The following SLC39A13 variants were observed in gnomAD, a reference collection of about 807,000 sequenced individuals.
SLC39A13 encodes the protein zinc transporter ZIP13.
Under a neutral mutation model 38.7 loss-of-function variants are expected in SLC39A13, and 18 were observed. The observed-to-expected ratio is 0.47, with a 90% CI of 0.32 to 0.69. SLC39A13 has a LOEUF of 0.69. Ranked by LOEUF, SLC39A13 falls within the 30% of genes least tolerant of loss-of-function variation. SLC39A13 has a pLI of 0.03. For missense variants in SLC39A13, 395 were observed against 490.7 expected (o/e 0.80, Z 1.84); for synonymous variants, 212 against 219.1 (o/e 0.97, Z 0.29).
chr11:47,413,486 T>C lies in SLC39A13; in HGVS notation c.624T>C (p.Gly208=). ...LAQPAAEPGL[G]AVVRSIKVSG... is the part of the protein sequence containing the mutation. ...AGCCGGCTGCAGAGCCCGGCCTCGGTGCCGTGGTCCGGAGCATCAAAGTGA... is the reference window on the plus strand; with the variant it reads ...AGCCGGCTGCAGAGCCCGGCCTCGGCGCCGTGGTCCGGAGCATCAAAGTGA... The change falls in exon 5 of 10, where the codon GGT becomes GGC. Residue 208 remains glycine (G), a synonymous_variant. Transcript: ENST00000362021. 1 of 1,614,064 alleles carries C rather than the reference T, an allele frequency of 6.2e-7. No individual in the cohort carries two copies. The highest frequency in any genetic ancestry group is 8.5e-7 in the Non-Finnish European group (1 of 1,179,996).
At chr11:47,408,381 T>G (rs930431533), upstream of SLC39A13, among the ~76,000 whole-genome samples, 1 of 151,820 alleles carries the variant, frequency 6.6e-6, no homozygotes, top group African/African-American at 2.4e-5. Context: ...CGACCGACCC[T>G]CCCCTCCGGC....
chr11:47,415,855 T>C lies in SLC39A13; in HGVS notation c.*492T>C. 4.2e-6 allele frequency: 1 copy of C among 235,734 alleles called. No individual in the cohort carries two copies. The highest frequency in any genetic ancestry group is 8.5e-6 in the Non-Finnish European group (1 of 117,562). 14.6% of individuals were successfully genotyped at this position (235,734 alleles called of 1,614,324 possible). Reference sequence around the variant, plus strand: ...GGCTTTGGTCCCTTTTCCTGGCCCTTCCTTCCCCACTTCTAAGCCAAAGAA... The same window carrying C: ...GGCTTTGGTCCCTTTTCCTGGCCCTCCCTTCCCCACTTCTAAGCCAAAGAA... On this transcript the variant is annotated 3_prime_UTR_variant, in exon 10 of 10. Transcript: ENST00000362021.
chr11:47,415,246 C>A, intron 9 of SLC39A13, 42 bp from the exon 10 acceptor site: 20 of 1,613,618 alleles, frequency 1.2e-5, no homozygotes, highest in Non-Finnish European at 1.7e-5. Flanking sequence ...CTGCCTGCTC[C>A]CCCTGCCCAT....
At chr11:47,414,012 C>T (rs558813795) in intron 6 of SLC39A13, 13 of 652,160 alleles carry the variant, frequency 2.0e-5, no homozygotes, top group East Asian at 1.1e-4. Flanking sequence ...TGCAGCTGGC[C>T]GAGATCTTTC....
In SLC39A13 at chr11:47,415,910, C is replaced by A; in HGVS notation, c.*547C>A. ...GAGGCAGGTGCTCCTGTACCCCAGC[C>A]CCACTCAGCACTGACAGTCCCCAGC... On this transcript the variant is annotated 3_prime_UTR_variant, in exon 10 of 10. Transcript: ENST00000362021. 4.8e-6 allele frequency: 1 copy of A among 208,372 alleles called. No homozygotes were observed. The highest frequency in any genetic ancestry group is 7.8e-5 in the South Asian group (1 of 12,834). 12.9% of individuals were successfully genotyped at this position (208,372 alleles called of 1,614,324 possible).
chr11:47,407,848 T>C (rs953048959), upstream of SLC39A13, among the ~76,000 whole-genome samples: 5 of 152,190 alleles, frequency 3.3e-5, no homozygotes, highest in Non-Finnish European at 5.9e-5. Flanking sequence ...CTATCCAGTG[T>C]TTGCTGCCTT....
Position 47,410,381 on chromosome 11 carries a change from T to C in SLC39A13, c.287T>C (p.Met96Thr). The change falls in exon 2 of 10, where the codon ATG becomes ACG. Residue 96 changes from methionine (M) to threonine (T), a missense_variant. Met to Thr is a moderately conservative substitution (Grantham distance 81, BLOSUM62 -1). Transcript: ENST00000362021. ...GTCATTCCCCTAGAGATGGGGACCA[T>C]GCTGCGCTCAGAAGGTAGGTGACTC... The part of the protein sequence containing the change: ...LLVIPLEMGT[M>T]LRSEAGAWRL... 1.2e-6 allele frequency: 2 copies of C among 1,613,968 alleles called. No homozygotes were observed. Among genetic ancestry groups the C allele is most frequent in the Non-Finnish European group, 1.7e-6 (2 of 1,179,958 alleles).
intron 6 of SLC39A13, chr11:47,414,211 G>A (rs1293510894): frequency 1.6e-6 from 1 of 628,260 alleles, no homozygotes; most frequent in South Asian, 1.9e-5. Flanking sequence ...CAGCGCCTGT[G>A]AGTGTGTGAG....
chr11:47,414,941 G>T, intron 8 of SLC39A13, 32 bp downstream of exon 8: 1 of 1,603,028 alleles, frequency 6.2e-7, no homozygotes. Context: ...GTGGCGGGTG[G>T]CATCAGCAGA....
Position 47,408,614 on chromosome 11 carries a change from GCAGCTGGATGGCTGGGGCCGC to G in SLC39A13, c.-55_-35del, listed in dbSNP as rs2095981570. Reference sequence around the variant, plus strand: ...CAGAGCCTGGGCGGGGCGCGGCACCGCAGCTGGATGGCTGGGGCCGCCCGGATCGCCGCCGCCGCCGCCGCA... The same window carrying G: ...CAGAGCCTGGGCGGGGCGCGGCACCGCCGGATCGCCGCCGCCGCCGCCGCA... On this transcript the variant is annotated 5_prime_UTR_variant, in exon 1 of 10. The change abolishes an upstream ATG in the 5' untranslated region. Transcript: ENST00000362021. 1 of 147,694 alleles carries G rather than the reference GCAGCTGGATGGCTGGGGCCGC, an allele frequency of 6.8e-6. No homozygotes were observed. The highest frequency in any genetic ancestry group is 1.5e-5 in the Non-Finnish European group (1 of 66,338). The allele number at this position is 147,694 out of a possible 1,614,324, so 9.1% of individuals were successfully genotyped here. A position where few individuals can be genotyped will look rare whatever the true frequency, so the allele number is the denominator to read the frequency against.
rs6485756 is a variant in SLC39A13, at chr11:47,413,226, G to A, written c.538-174G>A. Among the ~76,000 whole-genome samples, 98,262 of 151,936 alleles carry A rather than the reference G, an allele frequency of 0.65. 31,807 individuals are homozygous for A. The highest frequency in any genetic ancestry group is 0.71 in the East Asian group (3,654 of 5,158). The stretch of plus-strand genomic sequence containing the variant: ...TCACCATGTTGGCCAGGCTGGTCTC[G>A]AACTCCTGACCTCAGGTGATCCATC... On this transcript the variant is annotated intron_variant, in intron 4 of 9. Transcript: ENST00000362021.
chr11:47,413,274 G>T, intron 4 of SLC39A13, 126 bp from the exon 5 acceptor site: 1 of 987,778 alleles, frequency 1.0e-6, no homozygotes, highest in Non-Finnish European at 1.6e-6. Context: ...CCAAAGTGCT[G>T]GGATTACAGG....
chr11:47,414,093 T>C lies in SLC39A13; in HGVS notation c.736-332T>C, dbSNP rs2096013616. 8.2e-6 allele frequency: 5 copies of C among 609,216 alleles called. No homozygotes were observed. In the East Asian group the frequency reaches 1.4e-4, roughly 17 times the overall value. The allele number at this position is 609,216 out of a possible 1,614,324, so 37.7% of individuals were successfully genotyped here. ...CTTCGAGCGGCTGACGACTCATCCTTGGGGCCTCGACTTACATGGACTCCT... is the reference window on the plus strand; with the variant it reads ...CTTCGAGCGGCTGACGACTCATCCTCGGGGCCTCGACTTACATGGACTCCT... On this transcript the variant is annotated intron_variant, in intron 6 of 9. Transcript: ENST00000362021.
At chr11:47,413,769 T>C in intron 6 of SLC39A13, 83 bp downstream of exon 6, 3 of 1,469,624 alleles carry the variant, frequency 2.0e-6, no homozygotes, top group Non-Finnish European at 2.8e-6. Context: ...TCTCTGCTTC[T>C]TGCCCCTCCA....
Position 47,412,035 on chromosome 11 carries a change from C to T in SLC39A13, c.411C>T (p.Ser137=), listed in dbSNP as rs759396766. The change falls in exon 3 of 10, where the codon AGC becomes AGT. Residue 137 remains serine (S), a synonymous_variant. Coordinates refer to ENST00000362021, the MANE Select transcript of SLC39A13 (RefSeq NM_001128225.3). ...PEAWAYTCSA[S]PGGEGQSLQQ... ...CCTGGGCCTACACGTGCAGCGCCAG[C>T]CCTGGTAAGTGAGGCCACACGCCAG... 1.9e-6 allele frequency: 3 copies of T among 1,608,410 alleles called. No individual in the cohort carries two copies. The highest frequency in any genetic ancestry group is 2.2e-5 in the East Asian group (1 of 44,744).
At chr11:47,414,504 G>T in intron 7 of SLC39A13, 29 bp downstream of exon 7, 1 of 1,608,854 alleles carries the variant, frequency 6.2e-7, no homozygotes, top group Non-Finnish European at 8.5e-7. Context: ...GCCCCCAGGG[G>T]CCCAGGCCCC....
intron 1 of SLC39A13, 191 bp from the exon 2 acceptor site, chr11:47,409,896 T>C (rs2095988868): frequency 1.6e-6 from 1 of 632,400 alleles, no homozygotes; most frequent in Non-Finnish European, 2.8e-6. Flanking sequence ...TACGCAGTGC[T>C]CAGGAGTAGG....
Position 47,410,138 on chromosome 11 carries a change from G to A in SLC39A13, c.44G>A (p.Arg15Lys). 6.2e-7 allele frequency: 1 copy of A among 1,613,174 alleles called. No homozygotes were observed. Among genetic ancestry groups the A allele is most frequent in the African/African-American group, 1.3e-5 (1 of 75,040 alleles). ...PCPGCGMAGPRLLFLTALALE... is the reference protein window; with the variant it reads ...PCPGCGMAGPKLLFLTALALE... ...CCTGGCTGTGGCATGGCGGGCCCAAGGCTCCTCTTCCTCACTGCCCTTGCC... is the reference window on the plus strand; with the variant it reads ...CCTGGCTGTGGCATGGCGGGCCCAAAGCTCCTCTTCCTCACTGCCCTTGCC... The change falls in exon 2 of 10, where the codon AGG becomes AAG. Residue 15 changes from arginine to lysine, a missense_variant. Arg to Lys is a conservative substitution (Grantham distance 26). Transcript: ENST00000362021.
intron 1 of SLC39A13, 49 bp downstream of exon 1, chr11:47,408,711 C>T (rs2095982145): frequency 6.5e-6 from 1 of 152,890 alleles, no homozygotes; most frequent in African/African-American, 2.4e-5. Context: ...CGTGATGGAC[C>T]CGGCCGATCC....
Sources: allele counts gnomAD v4.1 joint callset (sites outside exome capture counted in the v4.1 genomes callset), GRCh38; gene constraint gnomAD v4.1.1; transcripts MANE v1.5; gene names NCBI Gene and HGNC (gene_info 2026-07-23, HGNC 2026-07-21).